PTPRA: variants seen among roughly 807,000 people sequenced by gnomAD.
PTPRA encodes the protein protein tyrosine phosphatase receptor type A.
PTPRA carries 25 observed loss-of-function variants against 104.8 expected under a neutral mutation model. The ratio of observed to expected loss-of-function variants is 0.24; its 90% CI spans 0.17 to 0.33. The LOEUF is 0.33. Among genes scored for constraint, PTPRA ranks in the 10% least tolerant of loss-of-function variants. The probability of loss-of-function intolerance (pLI) is 1.00; values close to 1 mark genes in which losing one functional copy is unlikely to be tolerated. For synonymous variants in PTPRA, 323 were observed against 368.9 expected (o/e 0.88, Z 1.43); for missense variants, 765 against 1,015.3 (o/e 0.75, Z 3.35).
chr20:2,893,992 A>G (rs2058896641), intron 1 of PTPRA, among the ~76,000 whole-genome samples: 1 of 152,172 alleles, frequency 6.6e-6, no homozygotes, highest in Non-Finnish European at 1.5e-5. Flanking sequence ...AATTAAAATA[A>G]CAATAGCATC....
At chr20:2,894,879 C>T (rs945572116) in intron 1 of PTPRA, among the ~76,000 whole-genome samples, 6 of 150,098 alleles carry the variant, frequency 4.0e-5, no homozygotes, top group Admixed American at 3.3e-4. Flanking sequence ...CCCAGCTACT[C>T]GGGAGGCTGA....
intron 11 of PTPRA, among the ~76,000 whole-genome samples, chr20:3,015,363 C>T (rs976330390): frequency 5.6e-5 from 8 of 143,096 alleles, no homozygotes; most frequent in African/African-American, 1.8e-4. Context: ...AGTGCAGTGG[C>T]GCAATCTTGG....
intron 13 of PTPRA, among the ~76,000 whole-genome samples, chr20:3,019,532 C>T (rs1383231233): frequency 1.4e-4 from 21 of 151,146 alleles, no homozygotes; most frequent in African/African-American, 2.7e-4. Flanking sequence ...CGGGCAGAGA[C>T]GCTCCTCACT....
intron 2 of PTPRA, 21 bp from the exon 3 acceptor site, chr20:2,947,961 T>A (rs1012394658): frequency 9.6e-7 from 1 of 1,040,604 alleles, no homozygotes; most frequent in African/African-American, 1.7e-5. Flanking sequence ...AATTAACTGT[T>A]TTTTATTTCT....
At chr20:3,025,695 C>A (rs2065102544) in intron 17 of PTPRA, among the ~76,000 whole-genome samples, 1 of 150,898 alleles carries the variant, frequency 6.6e-6, no homozygotes, top group Non-Finnish European at 1.5e-5. Context: ...CACGGAGAAA[C>A]TCTGTCTCTA....
chr20:2,993,235 G>C (rs983922848), intron 9 of PTPRA, among the ~76,000 whole-genome samples: 3 of 152,230 alleles, frequency 2.0e-5, no homozygotes, highest in Admixed American at 2.0e-4. Flanking sequence ...AGCAGGAGAG[G>C]GGTGGTGGGG....
the PTPRA span, chr20:2,865,293 G>A: frequency 2.5e-6 from 4 of 1,614,114 alleles, no homozygotes; most frequent in East Asian, 2.2e-5. The surrounding 1 kb of genome is among the most constrained non-coding windows in gnomAD (Gnocchi z 5.2). Context: ...CAGCTGGCAC[G>A]TGACTTCCGC....
intron 2 of PTPRA, among the ~76,000 whole-genome samples, chr20:2,943,926 G>C (rs1278581630): frequency 3.3e-5 from 5 of 151,756 alleles, no homozygotes; most frequent in African/African-American, 9.7e-5. Context: ...TTCTATTGCT[G>C]CCTAGCAAAA....
Position 2,964,976 on chromosome 20 carries a change from A to G in PTPRA, c.189A>G (p.Pro63=), listed in dbSNP as rs1456595557. The G allele has an allele frequency of 8.1e-6, 13 of 1,613,948 alleles. No individual in the cohort carries two copies. The highest frequency in any genetic ancestry group is 9.3e-6 in the Non-Finnish European group (11 of 1,179,884). ...TSSLTSLSVA[P]TFSPNITLGP... ...CACTAACTTCTCTTTCTGTGGCACC[A>G]ACATTCAGCCCAAATATAACTCTGG... Residue 63 remains proline (P), a synonymous_variant, in exon 5 of 24, where the codon CCA becomes CCG. Transcript: ENST00000399903.
intron 1 of PTPRA, among the ~76,000 whole-genome samples, chr20:2,891,185 C>T: frequency 6.6e-6 from 1 of 152,138 alleles, no homozygotes; most frequent in East Asian, 1.9e-4. Context: ...TTCTCCTATC[C>T]CTTAATTCAG....
chr20:2,891,410 CTGCCGCTTGATCCT>C (rs2146972921), intron 1 of PTPRA, among the ~76,000 whole-genome samples: 1 of 152,320 alleles, frequency 6.6e-6, no homozygotes, highest in Non-Finnish European at 1.5e-5. Flanking sequence ...TCTGAGCCCA[CTGCCGCTTGATCCT>C]TGGTGGTGCT....
At chr20:3,014,939 G>A (rs746064796) in intron 11 of PTPRA, among the ~76,000 whole-genome samples, 9 of 152,128 alleles carry the variant, frequency 5.9e-5, no homozygotes, top group East Asian at 1.9e-4. Flanking sequence ...AGAAAGCTGC[G>A]GCCAGTTGTT....
intron 20 of PTPRA, among the ~76,000 whole-genome samples, chr20:3,032,367 C>G (rs568596340): frequency 6.6e-6 from 1 of 152,300 alleles, no homozygotes; most frequent in Non-Finnish European, 1.5e-5. Context: ...TCAGCCTATA[C>G]ATGTTACATT....
intron 1 of PTPRA, among the ~76,000 whole-genome samples, chr20:2,881,931 C>G (rs539347442): frequency 6.6e-6 from 1 of 151,972 alleles, no homozygotes; most frequent in Non-Finnish European, 1.5e-5. Flanking sequence ...ACCTGGGAGG[C>G]GGAGATTGCA....
chr20:2,986,068 C>T (rs544393547), intron 6 of PTPRA, among the ~76,000 whole-genome samples: 15 of 152,176 alleles, frequency 9.9e-5, no homozygotes, highest in East Asian at 7.7e-4. Context: ...ATCACCACAC[C>T]GGCTATTTTT....
At chr20:2,955,745 C>G (rs1568668544) in intron 3 of PTPRA, 2 of 869,298 alleles carry the variant, frequency 2.3e-6, no homozygotes, top group African/African-American at 3.7e-5. Context: ...CTCCTGCCTA[C>G]TGTGTTTCTC....
chr20:3,029,849 A>G lies in PTPRA; in HGVS notation c.1920+2008A>G, dbSNP rs563515683. Among the ~76,000 whole-genome samples, 28 of 152,234 alleles carry G rather than the reference A, an allele frequency of 1.8e-4. 1 individual carries two copies. The highest frequency in any genetic ancestry group is 5.5e-4 in the African/African-American group (23 of 41,520). On this transcript the variant is annotated intron_variant, in intron 20 of 23. Coordinates refer to ENST00000399903, the MANE Select transcript of PTPRA (RefSeq NM_001385305.1). ...AGTGTCTTCATCATCATTAATAACA[A>G]TACTGATGAGGTGGGAGGTTCGGTT...
chr20:3,035,702 AACACC>A lies in PTPRA; in HGVS notation c.2040_2044del (p.Asn680LysfsTer4). The A allele has an allele frequency of 6.2e-7, 1 of 1,614,228 alleles. No individual in the cohort carries two copies. Among genetic ancestry groups the A allele is most frequent in the Non-Finnish European group, 8.5e-7 (1 of 1,180,032 alleles). On this transcript the variant is annotated frameshift_variant, in exon 21 of 24. Transcript: ENST00000399903. LOFTEE classifies it high-confidence loss of function. This position sits in a 1 kb window ranked among gnomAD's most constrained non-coding sequence, Gnocchi z 5.8. The stretch of plus-strand genomic sequence containing the variant: ...CACCGTCCGAGACCTCCTGGTCACC[AACACC>A]AGGGTAAGATGGGTCGTGGGTGGAC...
chr20:3,012,872 GT>G (rs1335614390), intron 11 of PTPRA, among the ~76,000 whole-genome samples: 15 of 152,094 alleles, frequency 9.9e-5, no homozygotes, highest in African/African-American at 3.6e-4. Flanking sequence ...TTTTTGGTAA[GT>G]TTACCAAGTT....
Sources: gnomAD v4.1 joint callset for allele counts (sites outside exome capture counted in the v4.1 genomes callset) on GRCh38, gnomAD v4.1.1 for gene constraint, Gnocchi (gnomAD v3.1) non-coding constraint, MANE v1.5 for transcripts, NCBI Gene and HGNC (gene_info 2026-07-23, HGNC 2026-07-21) for gene names.